Variants in TRAPPC8 observed in about 807,000 individuals in gnomAD.
The protein encoded by TRAPPC8 is general sporulation gene 1 homolog.
TRAPPC8 carries 54 observed loss-of-function variants against 174.3 expected under a neutral mutation model. That is an observed-to-expected ratio of 0.31 (90% CI 0.25 to 0.39). TRAPPC8 has a LOEUF of 0.39. TRAPPC8 is among the 10% of genes least tolerant of loss of function. TRAPPC8 has a pLI of 1.00. For missense variants in TRAPPC8, 1,531 were observed against 1,699.1 expected, an observed-to-expected ratio of 0.90 and a Z score of 1.74; for synonymous variants, 630 against 579.9, an observed-to-expected ratio of 1.09 and a Z score of -1.24.
chr18:31,842,141 C>T (rs2144982006), intron 26 of TRAPPC8, among the ~76,000 whole-genome samples: 1 of 152,298 alleles, frequency 6.6e-6, no homozygotes, highest in Non-Finnish European at 1.5e-5. Context: ...GGCTACTTGC[C>T]AGCTTTTCAC....
intron 2 of TRAPPC8, among the ~76,000 whole-genome samples, chr18:31,928,336 T>TAC (rs34570497): frequency 0.059 from 8,428 of 142,750 alleles, 243 homozygotes; most frequent in East Asian, 0.087. Context: ...ACCTTATCTC[T>TAC]ACACACACAC....
At chr18:31,855,100 G>T (rs996153919) in intron 21 of TRAPPC8, among the ~76,000 whole-genome samples, 5 of 152,080 alleles carry the variant, frequency 3.3e-5, no homozygotes, top group Non-Finnish European at 7.4e-5. Flanking sequence ...TACTTGGGAG[G>T]CTGAGGCATG....
intron 2 of TRAPPC8, among the ~76,000 whole-genome samples, chr18:31,930,597 A>T (rs1245077617): frequency 2.6e-5 from 4 of 152,152 alleles, no homozygotes; most frequent in Non-Finnish European, 5.9e-5. Flanking sequence ...TTAATATTGG[A>T]AAACAGTTAG....
intron 11 of TRAPPC8, among the ~76,000 whole-genome samples, chr18:31,894,943 T>A (rs748672872): frequency 6.6e-6 from 1 of 152,212 alleles, no homozygotes; most frequent in Non-Finnish European, 1.5e-5. Flanking sequence ...TAGGTATGTC[T>A]TAAGCACCAA....
At chr18:31,930,805 T>C (rs2037814191) in intron 2 of TRAPPC8, among the ~76,000 whole-genome samples, 1 of 151,752 alleles carries the variant, frequency 6.6e-6, no homozygotes, top group South Asian at 2.1e-4. Flanking sequence ...CACAGGAGGA[T>C]CACTTGAGGT....
chr18:31,903,123 T>TGCGTGCGTGC (rs35793916), intron 9 of TRAPPC8, among the ~76,000 whole-genome samples: 9 of 144,748 alleles, frequency 6.2e-5, no homozygotes, highest in South Asian at 2.2e-4. Flanking sequence ...CGTGCGTGCG[T>TGCGTGCGTGC]GTGTGTGTGT....
In TRAPPC8 at chr18:31,942,704, C is replaced by T; in HGVS notation, c.61G>A (p.Ala21Thr). ...TCGGCTTCGTCGCTGCACAGCGCAG[C>T]GACACAGGGGACGAAGGAGTCCGGG... ...LIPDSFVPCV[A>T]ALCSDEAERL... Residue 21 changes from alanine (A) to threonine (T), a missense_variant, in exon 1 of 29, where the codon GCT (alanine) becomes ACT (threonine). Ala to Thr is a moderately conservative substitution (Grantham distance 58). Coordinates refer to ENST00000283351, the MANE Select transcript of TRAPPC8 (RefSeq NM_014939.5). 6.2e-7 allele frequency: 1 copy of T among 1,607,502 alleles called. No homozygotes were observed. The highest frequency in any genetic ancestry group is 1.3e-5 in the African/African-American group (1 of 74,848).
intron 16 of TRAPPC8, among the ~76,000 whole-genome samples, chr18:31,868,663 CTTA>C (rs1374794445): frequency 6.6e-6 from 1 of 151,730 alleles, no homozygotes; most frequent in African/African-American, 2.4e-5. Flanking sequence ...ACCAGCAAGA[CTTA>C]TTTATTTATT....
intron 12 of TRAPPC8, among the ~76,000 whole-genome samples, chr18:31,877,714 G>C (rs1455334767): frequency 6.6e-6 from 1 of 150,860 alleles, no homozygotes; most frequent in Admixed American, 6.6e-5. Flanking sequence ...ACCTGAGGTT[G>C]AGAGTTTGAA....
At chr18:31,834,008 A>G (rs1414766414) in intron 27 of TRAPPC8, among the ~76,000 whole-genome samples, 1 of 151,162 alleles carries the variant, frequency 6.6e-6, no homozygotes, top group East Asian at 1.9e-4. Flanking sequence ...TCTCAAAAAA[A>G]AAAAACAAAA....
At chr18:31,844,007 A>G (rs1457574605) in intron 26 of TRAPPC8, among the ~76,000 whole-genome samples, 3 of 152,162 alleles carry the variant, frequency 2.0e-5, no homozygotes, top group African/African-American at 7.2e-5. Flanking sequence ...CAAATTCAAT[A>G]TGCTCTCAAT....
chr18:31,887,520 C>T (rs1044965232), intron 12 of TRAPPC8, among the ~76,000 whole-genome samples: 21 of 152,096 alleles, frequency 1.4e-4, no homozygotes, highest in African/African-American at 5.1e-4. Flanking sequence ...ATGGCAGGTG[C>T]CTGTAACCCC....
At chr18:31,908,488 T>A in intron 7 of TRAPPC8, 70 bp from the exon 8 acceptor site, 9 of 1,114,314 alleles carry the variant, frequency 8.1e-6, no homozygotes, top group Non-Finnish European at 1.1e-5. Flanking sequence ...AAAAAAATTT[T>A]AACTAAAAAG....
rs2033603383 is a variant in TRAPPC8, at chr18:31,849,657, G to T, written c.3644C>A (p.Pro1215His). Residue 1215 changes from proline to histidine, a missense_variant, in exon 25 of 29, where the codon CCT becomes CAT. Transcript: ENST00000283351. ...TGTTGACTGTTTTTCTGTATGCACA[G>T]GCAAGTGAGCTTGTGGTTTTTTCAA... ...SELKKPQAHL[P>H]VHTEKQSTED... The T allele has an allele frequency of 6.2e-7, 1 of 1,612,800 alleles. No homozygotes were observed.
intron 10 of TRAPPC8, among the ~76,000 whole-genome samples, chr18:31,899,254 C>T (rs1255242444): frequency 2.0e-5 from 3 of 152,096 alleles, no homozygotes; most frequent in Non-Finnish European, 2.9e-5. Flanking sequence ...ACCATTTATC[C>T]CATATGGTCA....
chr18:31,908,323 C>A lies in TRAPPC8; in HGVS notation c.1218G>T (p.Leu406=), dbSNP rs1193416031. The A allele has an allele frequency of 6.2e-7, 1 of 1,600,864 alleles. No homozygotes were observed. Among genetic ancestry groups the A allele is most frequent in the Non-Finnish European group, 8.5e-7 (1 of 1,174,526 alleles). Reference sequence around the variant, plus strand: ...CTCACAGCAAGCCAGATGTATTTTTCAGGTCATTAATGCTCTTTTCTGGAA... The same window carrying A: ...CTCACAGCAAGCCAGATGTATTTTTAAGGTCATTAATGCTCTTTTCTGGAA... ...SKVPEKSIND[L]KNTSGLLYPP... Residue 406 remains leucine (L), a synonymous_variant, in exon 8 of 29, where the codon CTG becomes CTT. Transcript: ENST00000283351.
At chr18:31,879,361 T>A (rs1568081288) in intron 12 of TRAPPC8, among the ~76,000 whole-genome samples, 1 of 152,122 alleles carries the variant, frequency 6.6e-6, no homozygotes, top group African/African-American at 2.4e-5. Context: ...ACTAAGCAAC[T>A]TGGTATTGAA....
chr18:31,879,922 C>T (rs1358880782), intron 12 of TRAPPC8, among the ~76,000 whole-genome samples: 1 of 148,186 alleles, frequency 6.7e-6, no homozygotes, highest in Non-Finnish European at 1.5e-5. Flanking sequence ...AAGGAAGAAA[C>T]TCAAATCTTG....
chr18:31,838,861 AG>A (rs1264469178), intron 27 of TRAPPC8, among the ~76,000 whole-genome samples: 1 of 151,932 alleles, frequency 6.6e-6, no homozygotes, highest in Admixed American at 6.6e-5. Context: ...CTTCTTTCTC[AG>A]ATGTTACTGT....
Sources: allele counts gnomAD v4.1 joint callset (sites outside exome capture counted in the v4.1 genomes callset), GRCh38; gene constraint gnomAD v4.1.1; transcripts MANE v1.5; gene names NCBI Gene and HGNC (gene_info 2026-07-23, HGNC 2026-07-21).